Variants in ATF7IP observed in about 807,000 individuals in gnomAD.
ATF7IP encodes activating transcription factor 7 interacting protein, also known as activating transcription factor 7-interacting protein 1.
ATF7IP carries 23 observed loss-of-function variants against 106.4 expected under a neutral mutation model. That is an observed-to-expected ratio of 0.22 (90% CI 0.16 to 0.31). ATF7IP has a LOEUF of 0.31. ATF7IP is among the 10% of genes least tolerant of loss of function. The pLI is 1.00. For synonymous variants in ATF7IP, 542 were observed against 539.0 expected, an observed-to-expected ratio of 1.01 and a Z score of -0.08; for missense variants, 1,334 against 1,524.3, an observed-to-expected ratio of 0.88 and a Z score of 2.08.
chr12:14,388,638 C>T (rs1238499648), intron 1 of ATF7IP, among the ~76,000 whole-genome samples: 1 of 152,082 alleles, frequency 6.6e-6, no homozygotes, highest in South Asian at 2.1e-4. Context: ...TGAGCCACTG[C>T]GCCCAGCCTT....
At chr12:14,377,056 A>G (rs1048782695) in intron 1 of ATF7IP, among the ~76,000 whole-genome samples, 1 of 152,034 alleles carries the variant, frequency 6.6e-6, no homozygotes, top group African/African-American at 2.4e-5. Context: ...ATGCAGTGGC[A>G]TGATCTTGGC....
At chr12:14,481,356 GTTAAAATCAATGTAGTATATTC>G in intron 13 of ATF7IP, 171 bp downstream of exon 13, 1 of 632,418 alleles carries the variant, frequency 1.6e-6, no homozygotes, top group Admixed American at 3.0e-5. Flanking sequence ...CTATAGTATA[GTTAAAATCAATGTAGTATATTC>G]TTGAAAATAG....
At chr12:14,385,337 T>C in intron 1 of ATF7IP, 1 of 1,520,996 alleles carries the variant, frequency 6.6e-7, no homozygotes. Flanking sequence ...TAACCTAGTC[T>C]TTGTAGCTGC....
Position 14,466,510 on chromosome 12 carries a change from T to A in ATF7IP, c.2798-16T>A. On this transcript the variant is annotated splice_polypyrimidine_tract_variant and intron_variant, in intron 9 of 14. Transcript: ENST00000261168. ...TTTTGTAGATGTTTTTAAAAATGGC[T>A]TTTTTTACTTTTCAGAAAACCAGAC... The A allele has an allele frequency of 6.3e-7, 1 of 1,591,256 alleles. No homozygotes were observed. The highest frequency in any genetic ancestry group is 8.5e-7 in the Non-Finnish European group (1 of 1,171,838).
intron 1 of ATF7IP, among the ~76,000 whole-genome samples, chr12:14,392,703 G>A (rs1939628589): frequency 6.6e-6 from 1 of 152,154 alleles, no homozygotes; most frequent in African/African-American, 2.4e-5. Flanking sequence ...GTATCTAAGA[G>A]CTAGATGAGC....
intron 13 of ATF7IP, among the ~76,000 whole-genome samples, chr12:14,486,429 G>T (rs751837956): frequency 2.0e-5 from 3 of 152,170 alleles, no homozygotes; most frequent in Non-Finnish European, 2.9e-5. Context: ...CAGGAATGTA[G>T]TGGGGTCTTT....
chr12:14,406,246 C>T (rs1940572973), intron 1 of ATF7IP, among the ~76,000 whole-genome samples: 1 of 152,094 alleles, frequency 6.6e-6, no homozygotes, highest in Non-Finnish European at 1.5e-5. Context: ...CTACAGATGT[C>T]TGCCACCACG....
rs1225105636 is a variant in ATF7IP at position 14,500,812 on chromosome 12, A to G, written c.*2739A>G. On this transcript the variant is annotated 3_prime_UTR_variant, in exon 15 of 15. Coordinates refer to ENST00000261168, the MANE Select transcript of ATF7IP (RefSeq NM_018179.5). ...AAAAAAAAATTCATTAGCCTAGCCT[A>G]TATTATGTTTTCTGTCAAAGGAAAA... The G allele has an allele frequency of 6.6e-6, 1 of 152,248 alleles. No individual in the cohort carries two copies. The highest frequency in any genetic ancestry group is 1.5e-5 in the Non-Finnish European group (1 of 68,040). 9.4% of individuals were successfully genotyped at this position (152,248 alleles called of 1,614,324 possible).
intron 13 of ATF7IP, among the ~76,000 whole-genome samples, chr12:14,493,053 A>G (rs1398914498): frequency 1.3e-5 from 2 of 152,204 alleles, no homozygotes; most frequent in Middle Eastern, 3.2e-3. Context: ...GAGATAAATC[A>G]TTTCCAGCTC....
At chr12:14,497,612 C>A in intron 14 of ATF7IP, 42 bp from the exon 15 acceptor site, 3 of 1,546,784 alleles carry the variant, frequency 1.9e-6, no homozygotes, top group South Asian at 2.4e-5. Flanking sequence ...TAAAATAGTT[C>A]TTTTTGCAAT....
chr12:14,413,852 C>T lies in ATF7IP; in HGVS notation c.-7-10057C>T, dbSNP rs139991482. 6.2e-3 allele frequency among the ~76,000 whole-genome samples: 942 copies of T among 152,032 alleles called. 12 individuals are homozygous for T. Among genetic ancestry groups the T allele is most frequent in the Middle Eastern group, 0.058 (17 of 294 alleles). ...AATAAACATCAAATTCAAGATTATG[C>T]TTATCTTTGCATTTAGGAGTCAAGA... On this transcript the variant is annotated intron_variant, in intron 1 of 14. Coordinates refer to ENST00000261168, the MANE Select transcript of ATF7IP (RefSeq NM_018179.5).
rs751634129 is a variant in ATF7IP, at chr12:14,424,840, A to C, written c.925A>C (p.Ser309Arg). The change falls in exon 2 of 15, where the codon AGT (serine) becomes CGT (arginine). Residue 309 changes from serine to arginine, a missense_variant. Physicochemically the swap from Ser to Arg is moderately radical, Grantham distance 110. Around this residue, in one of 10 missense-constraint regions of ATF7IP, gnomAD observed 438 missense variants for 405.3 expected, o/e 1.08. Coordinates refer to ENST00000261168, the MANE Select transcript of ATF7IP (RefSeq NM_018179.5). ...PVPEIDNIEP[S>R]SNKDDDFLEK... is the part of the protein sequence containing the mutation. The stretch of plus-strand genomic sequence containing the variant: ...TCCTGAAATTGACAATATAGAACCA[A>C]GTAGCAATAAAGATGATGATTTTCT... 1.2e-6 allele frequency: 2 copies of C among 1,613,764 alleles called. No homozygotes were observed. Among genetic ancestry groups the C allele is most frequent in the Non-Finnish European group, 1.7e-6 (2 of 1,179,924 alleles).
At chr12:14,475,286 C>T (rs919533109) in intron 10 of ATF7IP, among the ~76,000 whole-genome samples, 1 of 152,198 alleles carries the variant, frequency 6.6e-6, no homozygotes, top group South Asian at 2.1e-4. Flanking sequence ...ACACTGACTT[C>T]AGAGTCCTGG....
intron 14 of ATF7IP, 57 bp downstream of exon 14, chr12:14,496,400 T>C (rs1945014877): frequency 8.6e-7 from 1 of 1,161,756 alleles, no homozygotes; most frequent in Admixed American, 2.0e-5. Flanking sequence ...TAAAATATTA[T>C]TGTATTTGGC....
At chr12:14,433,539 G>A (rs1450020608) in intron 2 of ATF7IP, among the ~76,000 whole-genome samples, 76 of 151,512 alleles carry the variant, frequency 5.0e-4, no homozygotes, top group Non-Finnish European at 2.1e-4. Context: ...ATGTAGTGGC[G>A]GGTGCCTGTA....
In ATF7IP at chr12:14,466,697, T is replaced by A. The variant is rs76352755; in HGVS notation, c.2862+107T>A. On this transcript the variant is annotated intron_variant, in intron 10 of 14. Coordinates refer to ENST00000261168, the MANE Select transcript of ATF7IP (RefSeq NM_018179.5). The stretch of plus-strand genomic sequence containing the variant: ...TGAAAATTGTTCTATGTGTGTTTTT[T>A]ATAACTATCCAAACATTGTCTCACA... 5.2e-3 allele frequency: 4,524 copies of A among 861,878 alleles called. 24 individuals are homozygous for A. Among genetic ancestry groups the A allele is most frequent in the Non-Finnish European group, 6.7e-3 (3,659 of 549,162 alleles). 53.4% of individuals were successfully genotyped at this position (861,878 alleles called of 1,614,324 possible). A position where few individuals can be genotyped will look rare whatever the true frequency, so the allele number is the denominator to read the frequency against.
chr12:14,494,932 CAAAAAAAAAAAAAA>C (rs34929652), intron 13 of ATF7IP, among the ~76,000 whole-genome samples: 3 of 79,144 alleles, frequency 3.8e-5, no homozygotes, highest in Non-Finnish European at 7.3e-5. Flanking sequence ...GACTCTGTCT[CAAAAAAAAAAAAAA>C]AAAAAAAAAG....
intron 1 of ATF7IP, among the ~76,000 whole-genome samples, chr12:14,381,984 TAAAAA>T (rs796682152): frequency 2.0e-5 from 3 of 148,058 alleles, no homozygotes; most frequent in African/African-American, 7.4e-5. Context: ...AAGAGTGAAA[TAAAAA>T]AAAAATTGAA....
chr12:14,463,756 C>T (rs955655015), intron 9 of ATF7IP, among the ~76,000 whole-genome samples: 1 of 151,952 alleles, frequency 6.6e-6, no homozygotes, highest in Non-Finnish European at 1.5e-5. Context: ...TTGTACTGTA[C>T]AAGATGAGAG....
Sources: allele counts gnomAD v4.1 joint callset (sites outside exome capture counted in the v4.1 genomes callset), GRCh38; gene constraint gnomAD v4.1.1; regional missense constraint gnomAD v4.1.1; transcripts MANE v1.5; gene names NCBI Gene and HGNC (gene_info 2026-07-23, HGNC 2026-07-21).